Variants in PTPRG observed in about 807,000 individuals in gnomAD.
The protein encoded by PTPRG is receptor-type tyrosine-protein phosphatase gamma.
Under a neutral mutation model 165.3 loss-of-function variants are expected in PTPRG, and 102 were observed. The ratio of observed to expected loss-of-function variants is 0.62; its 90% CI spans 0.53 to 0.73. The LOEUF is 0.73. Ranked by LOEUF, PTPRG falls within the 30% of genes least tolerant of loss-of-function variation. PTPRG has a pLI of 0.00. For missense variants in PTPRG, 1,866 were observed against 1,861.4 expected, an observed-to-expected ratio of 1.00 and a Z score of -0.05; for synonymous variants, 675 against 669.5, an observed-to-expected ratio of 1.01 and a Z score of -0.13.
At chr3:61,908,788 A>G (rs921618435) in intron 2 of PTPRG, among the ~76,000 whole-genome samples, 7 of 152,330 alleles carry the variant, frequency 4.6e-5, no homozygotes, top group African/African-American at 1.4e-4. Flanking sequence ...AAGAACATCA[A>G]TTATGTTGCA....
intron 2 of PTPRG, among the ~76,000 whole-genome samples, chr3:61,858,683 C>T (rs2037180284): frequency 6.6e-6 from 1 of 152,258 alleles, no homozygotes; most frequent in African/African-American, 2.4e-5. Context: ...AATATGACTT[C>T]TGTTGAAAAC....
chr3:61,622,616 G>A (rs763237581), intron 1 of PTPRG, among the ~76,000 whole-genome samples: 5 of 152,146 alleles, frequency 3.3e-5, no homozygotes, highest in Non-Finnish European at 5.9e-5. Flanking sequence ...GCAATGGAAA[G>A]TGCTTTTCTC....
chr3:62,138,934 C>G (rs948804185), intron 6 of PTPRG, among the ~76,000 whole-genome samples: 3 of 152,168 alleles, frequency 2.0e-5, no homozygotes, highest in African/African-American at 7.2e-5. Context: ...TACACATATA[C>G]TGTGAAAAGA....
intron 2 of PTPRG, among the ~76,000 whole-genome samples, chr3:61,904,574 A>G (rs2038593563): frequency 6.6e-6 from 1 of 152,184 alleles, no homozygotes; most frequent in African/African-American, 2.4e-5. Context: ...AGATGTCCAG[A>G]GGCCTCTGGC....
chr3:61,594,949 A>C, intron 1 of PTPRG, among the ~76,000 whole-genome samples: 1 of 150,984 alleles, frequency 6.6e-6, no homozygotes, highest in East Asian at 1.9e-4. Context: ...TAGTGCACTG[A>C]TTTTTTTTTT....
rs555883349 is a variant in PTPRG, at chr3:61,642,478, C to T, written c.85+80106C>T. On this transcript the variant is annotated intron_variant, in intron 1 of 29. Coordinates refer to ENST00000474889, the MANE Select transcript of PTPRG (RefSeq NM_002841.4). Reference sequence around the variant, plus strand: ...GCAACTGAAGAGTGATCTGGTTCTACAAGCTGGTGACTGGACCCACAATAC... The same window carrying T: ...GCAACTGAAGAGTGATCTGGTTCTATAAGCTGGTGACTGGACCCACAATAC... Among the ~76,000 whole-genome samples, 7 of 152,288 alleles carry T rather than the reference C, an allele frequency of 4.6e-5. No individual in the cohort carries two copies. The South Asian group carries it at 8.3e-4, about 18-fold the overall frequency.
chr3:61,685,918 G>C (rs1360723969), intron 1 of PTPRG, among the ~76,000 whole-genome samples: 1 of 152,130 alleles, frequency 6.6e-6, no homozygotes, highest in Non-Finnish European at 1.5e-5. Context: ...GCATATAATG[G>C]TGTCAGATTT....
At chr3:61,901,133 A>G (rs182056219) in intron 2 of PTPRG, among the ~76,000 whole-genome samples, 63 of 152,338 alleles carry the variant, frequency 4.1e-4, no homozygotes, top group Middle Eastern at 6.8e-3. Context: ...ATGTTCTAGT[A>G]GTCTACATTT....
At chr3:61,698,584 G>C (rs1030511633) in intron 1 of PTPRG, among the ~76,000 whole-genome samples, 1 of 152,126 alleles carries the variant, frequency 6.6e-6, no homozygotes, top group African/African-American at 2.4e-5. Flanking sequence ...TAATCCTTAC[G>C]TAGCAGTGGT....
chr3:61,711,034 T>C (rs1419756708), intron 1 of PTPRG, among the ~76,000 whole-genome samples: 5 of 152,114 alleles, frequency 3.3e-5, no homozygotes, highest in Non-Finnish European at 7.3e-5. Flanking sequence ...TGGTTTTCTG[T>C]TCCTTTGTTA....
Position 62,273,059 on chromosome 3 carries a change from G to A in PTPRG, c.3296G>A (p.Arg1099His), listed in dbSNP as rs749173201. The change falls in exon 22 of 30, where the codon CGT (arginine) becomes CAT (histidine). Residue 1099 changes from arginine (R) to histidine (H), a missense_variant. Arg to His is a conservative substitution (Grantham distance 29). Coordinates refer to ENST00000474889, the MANE Select transcript of PTPRG (RefSeq NM_002841.4). The surrounding 1 kb of genome is among the most constrained non-coding windows in gnomAD (Gnocchi z 4.1). ...LGFLKHIRTQRNYLVQTEEQY... is the reference protein window; with the variant it reads ...LGFLKHIRTQHNYLVQTEEQY... ...TTCCTGAAGCATATCAGGACACAGC[G>A]TAACTACCTCGTCCAGACTGAGGTA... 34 of 1,612,964 alleles carry A rather than the reference G, an allele frequency of 2.1e-5. No individual in the cohort carries two copies. The highest frequency in any genetic ancestry group is 2.5e-5 in the Non-Finnish European group (30 of 1,179,566).
At position 61,887,166 on chromosome 3, in the gene PTPRG, A is replaced by T. The variant is rs1440085129; in HGVS notation, c.191-102459A>T. On this transcript the variant is annotated intron_variant, in intron 2 of 29. Coordinates refer to ENST00000474889, the MANE Select transcript of PTPRG (RefSeq NM_002841.4). ...TATATATATATATATATATATATAT[A>T]TATATTTTTAATGCCATCATCAAAC... 5.8e-3 allele frequency among the ~76,000 whole-genome samples: 573 copies of T among 99,268 alleles called. 16 individuals carry two copies. The highest frequency in any genetic ancestry group is 0.018 in the African/African-American group (508 of 28,606). 65.1% of individuals were successfully genotyped at this position (99,268 alleles called of 152,430 possible). A position where few individuals can be genotyped will look rare whatever the true frequency, so the allele number is the denominator to read the frequency against.
intron 2 of PTPRG, among the ~76,000 whole-genome samples, chr3:61,952,776 TAATC>T (rs139287022): frequency 0.038 from 5,823 of 152,170 alleles, 323 homozygotes; most frequent in African/African-American, 0.13. Flanking sequence ...CGTCTACAAT[TAATC>T]ATCAGCCAGC....
intron 1 of PTPRG, among the ~76,000 whole-genome samples, chr3:61,675,337 G>A (rs1703183941): frequency 6.6e-6 from 1 of 152,114 alleles, no homozygotes. Flanking sequence ...CAGTAAATTT[G>A]GGTATTATTA....
intron 5 of PTPRG, among the ~76,000 whole-genome samples, chr3:62,097,281 A>C (rs1215628572): frequency 1.3e-5 from 2 of 152,190 alleles, no homozygotes; most frequent in African/African-American, 2.4e-5. Context: ...AGAAGTGAGA[A>C]TGTGACTCCT....
intron 3 of PTPRG, among the ~76,000 whole-genome samples, chr3:62,001,041 T>A (rs1198809586): frequency 6.6e-6 from 1 of 152,242 alleles, no homozygotes; most frequent in Non-Finnish European, 1.5e-5. Flanking sequence ...CAACATGTCT[T>A]GAGCTCATAT....
At chr3:62,081,785 A>G (rs999837568) in intron 5 of PTPRG, among the ~76,000 whole-genome samples, 2 of 152,234 alleles carry the variant, frequency 1.3e-5, no homozygotes, top group Non-Finnish European at 2.9e-5. Context: ...CTCTATAAGA[A>G]TGATAAATTT....
At chr3:61,893,086 G>A (rs376709132) in intron 2 of PTPRG, among the ~76,000 whole-genome samples, 25 of 152,244 alleles carry the variant, frequency 1.6e-4, no homozygotes, top group East Asian at 9.6e-4. Flanking sequence ...CATTATCGTC[G>A]ACTGCTGATG....
chr3:62,130,292 A>G (rs1195057923), intron 5 of PTPRG, among the ~76,000 whole-genome samples: 1 of 152,160 alleles, frequency 6.6e-6, no homozygotes, highest in Non-Finnish European at 1.5e-5. Context: ...GGAATTCTTC[A>G]TTTGATCTTA....
Sources: allele counts gnomAD v4.1 joint callset (sites outside exome capture counted in the v4.1 genomes callset), GRCh38; gene constraint gnomAD v4.1.1; non-coding constraint Gnocchi (gnomAD v3.1); transcripts MANE v1.5; gene names NCBI Gene and HGNC (gene_info 2026-07-23, HGNC 2026-07-21).